Variants in PCDHA2 observed in about 807,000 individuals in gnomAD.
The protein encoded by PCDHA2 is protocadherin alpha 2, also known as protocadherin alpha-2.
Under a neutral mutation model 66.0 loss-of-function variants are expected in PCDHA2, and 58 were observed. The observed-to-expected ratio is 0.88, with a 90% CI of 0.71 to 1.09. The LOEUF (loss-of-function observed/expected upper bound fraction) is 1.09, where lower values mean the gene tolerates loss of function less well. Among genes scored for constraint, PCDHA2 ranks in the 50% least tolerant of loss-of-function variants. The probability of loss-of-function intolerance (pLI) is 0.00; values close to 1 mark genes in which losing one functional copy is unlikely to be tolerated. For missense variants in PCDHA2, 1,267 were observed against 1,242.3 expected, an observed-to-expected ratio of 1.02 and a Z score of -0.30; for synonymous variants, 634 against 554.0, an observed-to-expected ratio of 1.14 and a Z score of -2.03.
At chr5:140,985,104 AT>A (rs2097137151) in intron 3 of PCDHA2, among the ~76,000 whole-genome samples, 1 of 151,914 alleles carries the variant, frequency 6.6e-6, no homozygotes, top group African/African-American at 2.4e-5. Context: ...AGCCTGGCTA[AT>A]TTTTTGTGTT....
intron 1 of PCDHA2, among the ~76,000 whole-genome samples, chr5:140,880,233 T>A (rs1040125802): frequency 6.6e-6 from 1 of 152,046 alleles, no homozygotes; most frequent in African/African-American, 2.4e-5. Flanking sequence ...TTTAAATTAG[T>A]GTATGTGCGT....
At chr5:140,967,692 G>A (rs781940460) in intron 1 of PCDHA2, 12 of 1,614,196 alleles carry the variant, frequency 7.4e-6, no homozygotes, top group South Asian at 1.1e-5. Flanking sequence ...CAGCTCTTCA[G>A]CATAGATGCC....
chr5:140,918,786 A>T (rs2078853629), intron 1 of PCDHA2, among the ~76,000 whole-genome samples: 1 of 147,002 alleles, frequency 6.8e-6, no homozygotes, highest in African/African-American at 2.6e-5. Context: ...ATGTGAGGAC[A>T]CAGCAAAAAT....
At chr5:140,804,878 A>C in intron 1 of PCDHA2, 8 of 558,506 alleles carry the variant, frequency 1.4e-5, no homozygotes, top group Non-Finnish European at 1.8e-5. Context: ...ATTTTTCTTG[A>C]CTCCTCTCCT....
At chr5:140,851,173 A>G in intron 1 of PCDHA2, 1 of 1,267,370 alleles carries the variant, frequency 7.9e-7, no homozygotes, top group South Asian at 2.8e-5. Context: ...CTGCCATAAC[A>G]CTTGAAAACC....
At chr5:140,849,834 G>C in intron 1 of PCDHA2, 1 of 1,598,606 alleles carries the variant, frequency 6.3e-7, no homozygotes, top group South Asian at 1.1e-5. Flanking sequence ...GGAGGTGGCC[G>C]ACGTGAACGA....
chr5:140,863,417 G>A (rs182048002), intron 1 of PCDHA2: 5 of 701,164 alleles, frequency 7.1e-6, no homozygotes, highest in Non-Finnish European at 9.9e-6. Flanking sequence ...CTGGTGTACC[G>A]CAGCGTAGTG....
intron 1 of PCDHA2, chr5:140,805,049 T>C (rs781903718): frequency 6.3e-7 from 1 of 1,591,004 alleles, no homozygotes; most frequent in Non-Finnish European, 8.5e-7. Context: ...CCAAAGTACT[T>C]GTCTTCCCAG....
intron 3 of PCDHA2, among the ~76,000 whole-genome samples, chr5:140,988,057 C>G (rs557714672): frequency 2.0e-4 from 30 of 152,188 alleles, no homozygotes; most frequent in Non-Finnish European, 3.7e-4. Context: ...GCACTGTCAA[C>G]ATGAATTTTT....
At position 141,011,939 on chromosome 5, in the gene PCDHA2, A is replaced by T. The variant is rs955936849; in HGVS notation, c.*2002A>T. 5 of 153,690 alleles carry T rather than the reference A, an allele frequency of 3.3e-5. No individual in the cohort carries two copies. The highest frequency in any genetic ancestry group is 1.2e-4 in the African/African-American group (5 of 41,448). The allele number at this position is 153,690 out of a possible 1,614,324, so 9.5% of individuals were successfully genotyped here. A position where few individuals can be genotyped will look rare whatever the true frequency, so the allele number is the denominator to read the frequency against. On this transcript the variant is annotated 3_prime_UTR_variant, in exon 4 of 4. Coordinates refer to ENST00000526136, the MANE Select transcript of PCDHA2 (RefSeq NM_018905.3). ...TAAAAGAGGTAGGAGTCTGTTATTT[A>T]AAAAAAGCATTAAATTTAAAAAAAA...
chr5:140,995,685 T>C (rs951521178), intron 3 of PCDHA2, among the ~76,000 whole-genome samples: 8 of 152,186 alleles, frequency 5.3e-5, no homozygotes, highest in African/African-American at 1.9e-4. Flanking sequence ...TTTTTTTTAA[T>C]TGTTAAATAA....
chr5:140,823,944 G>T, intron 1 of PCDHA2: 1 of 1,613,944 alleles, frequency 6.2e-7, no homozygotes, highest in African/African-American at 1.3e-5. Context: ...TGCGGTGCTC[G>T]GCGCAGCCCA....
At position 140,796,656 on chromosome 5, in the gene PCDHA2, A is replaced by C. The variant is rs1238442026; in HGVS notation, c.1692A>C (p.Ala564=). 1 of 1,613,710 alleles carries C rather than the reference A, an allele frequency of 6.2e-7. No homozygotes were observed. Among genetic ancestry groups the C allele is most frequent in the African/African-American group, 1.3e-5 (1 of 74,924 alleles). ...TGGACGAGAACGACAACGCGCCGGCACTGTTGGCGCCTAGGGCTGGCACCG... is the reference window on the plus strand; with the variant it reads ...TGGACGAGAACGACAACGCGCCGGCCCTGTTGGCGCCTAGGGCTGGCACCG... ...FVLDENDNAP[A]LLAPRAGTAA... Residue 564 remains alanine (A), a synonymous_variant, in exon 1 of 4, where the codon GCA becomes GCC. Transcript: ENST00000526136.
chr5:140,845,177 C>T (rs1328451437), intron 1 of PCDHA2, among the ~76,000 whole-genome samples: 1 of 149,016 alleles, frequency 6.7e-6, no homozygotes, highest in East Asian at 1.9e-4. Context: ...TCATTTTAGT[C>T]CTTTAAAAAA....
chr5:140,802,600 AC>A, intron 1 of PCDHA2: 1 of 1,613,472 alleles, frequency 6.2e-7, no homozygotes, highest in Non-Finnish European at 8.5e-7. Flanking sequence ...AAGGAGAACA[AC>A]CCGCCGGGCT....
chr5:140,821,812 C>T, intron 1 of PCDHA2: 1 of 1,613,776 alleles, frequency 6.2e-7, no homozygotes, highest in Non-Finnish European at 8.5e-7. Context: ...GGGATCCCGG[C>T]TCCTGCTGCT....
In PCDHA2 at chr5:140,927,503, C is replaced by T. The variant is rs148532418; in HGVS notation, c.2389-51446C>T. On this transcript the variant is annotated intron_variant, in intron 1 of 3. Transcript: ENST00000526136. ...CGCGCCACCCACCTGCTGGTGCTTA[C>T]AGCTCGGGACGGCGGGCTACCTGCC... The T allele has an allele frequency of 1.2e-4, 190 of 1,614,128 alleles. No homozygotes were observed. In the African/African-American group the frequency reaches 2.3e-3, roughly 19 times the overall value.
chr5:140,846,985 C>T (rs138755205), intron 1 of PCDHA2, among the ~76,000 whole-genome samples: 9 of 149,188 alleles, frequency 6.0e-5, no homozygotes, highest in African/African-American at 1.5e-4. Context: ...AAGTAAGTTC[C>T]CCCCGGGAGA....
intron 1 of PCDHA2, chr5:140,968,812 T>C (rs782711806): frequency 6.2e-7 from 1 of 1,614,064 alleles, no homozygotes; most frequent in Non-Finnish European, 8.5e-7. Context: ...CTGTGGTGGA[T>C]AGGGTTTCCA....
Sources: gnomAD v4.1 joint callset for allele counts (sites outside exome capture counted in the v4.1 genomes callset) on GRCh38, gnomAD v4.1.1 for gene constraint, MANE v1.5 for transcripts, NCBI Gene and HGNC (gene_info 2026-07-23, HGNC 2026-07-21) for gene names.